Variants in SHOC2 observed in about 807,000 individuals in gnomAD.
The protein encoded by SHOC2 is leucine-rich repeat protein SHOC-2.
In SHOC2, 4 loss-of-function variants were observed where a neutral mutation model predicts 50.2. The observed-to-expected ratio is 0.08, with a 90% CI of 0.04 to 0.18. SHOC2 has a LOEUF of 0.18. Among genes scored for constraint, SHOC2 ranks in the 10% least tolerant of loss-of-function variants. The pLI, the probability that SHOC2 is intolerant of heterozygous loss-of-function variation, is 1.00. For missense variants in SHOC2, 388 were observed against 669.6 expected, an observed-to-expected ratio of 0.58 and a Z score of 4.64; for synonymous variants, 218 against 244.5, an observed-to-expected ratio of 0.89 and a Z score of 1.01.
chr10:110,990,555 G>A (rs560819529), intron 3 of SHOC2, among the ~76,000 whole-genome samples: 70 of 152,056 alleles, frequency 4.6e-4, no homozygotes, highest in Non-Finnish European at 7.6e-4. Context: ...ATCTAGCTCA[G>A]GGATTGTAAA....
intron 2 of SHOC2, among the ~76,000 whole-genome samples, chr10:110,977,850 T>G (rs1590814062): frequency 6.6e-6 from 1 of 152,224 alleles, no homozygotes; most frequent in Non-Finnish European, 1.5e-5. Context: ...CACAACCTTG[T>G]GTGACTGCTG....
chr10:110,968,758 G>A (rs991821660), intron 2 of SHOC2, among the ~76,000 whole-genome samples: 1 of 151,874 alleles, frequency 6.6e-6, no homozygotes, highest in Non-Finnish European at 1.5e-5. Context: ...CTATGATTGC[G>A]CCACCGGACT....
chr10:110,986,989 G>T (rs1848090546), intron 3 of SHOC2, among the ~76,000 whole-genome samples: 1 of 152,150 alleles, frequency 6.6e-6, no homozygotes, highest in African/African-American at 2.4e-5. Context: ...TTTATTTCCA[G>T]TTCACCCTTA....
At chr10:110,993,859 A>C (rs1307364082) in intron 3 of SHOC2, among the ~76,000 whole-genome samples, 1 of 152,194 alleles carries the variant, frequency 6.6e-6, no homozygotes, top group Non-Finnish European at 1.5e-5. Flanking sequence ...TTTAGTTTTC[A>C]GTGAGAATAA....
chr10:110,936,469 G>A (rs552844152), intron 1 of SHOC2, among the ~76,000 whole-genome samples: 3 of 151,682 alleles, frequency 2.0e-5, no homozygotes, highest in East Asian at 1.9e-4. Flanking sequence ...TGTTTTTTGC[G>A]TAGATTCTCA....
intron 2 of SHOC2, among the ~76,000 whole-genome samples, chr10:110,980,606 CTT>C (rs1847958176): frequency 6.6e-6 from 1 of 152,140 alleles, no homozygotes. Context: ...AGAAAACAGA[CTT>C]TTTAGAACAG....
At chr10:110,979,135 A>G (rs903312332) in intron 2 of SHOC2, among the ~76,000 whole-genome samples, 1 of 152,230 alleles carries the variant, frequency 6.6e-6, no homozygotes, top group Middle Eastern at 3.2e-3. Context: ...CTCATCTGGG[A>G]AAGGATACAC....
intron 2 of SHOC2, among the ~76,000 whole-genome samples, chr10:110,975,451 T>C (rs562088332): frequency 2.0e-5 from 3 of 152,340 alleles, no homozygotes; most frequent in Non-Finnish European, 4.4e-5. Context: ...CTATGTTACA[T>C]TTTTAATAGT....
chr10:110,922,364 G>T (rs936125352), intron 1 of SHOC2, among the ~76,000 whole-genome samples: 3 of 151,896 alleles, frequency 2.0e-5, no homozygotes, highest in Non-Finnish European at 4.4e-5. Context: ...TTATACAGGT[G>T]GATAAATTAT....
chr10:110,933,975 T>A (rs937218238), intron 1 of SHOC2, among the ~76,000 whole-genome samples: 2 of 152,176 alleles, frequency 1.3e-5, no homozygotes, highest in Non-Finnish European at 2.9e-5. Flanking sequence ...AGCTATTAGC[T>A]GTATTTTGTT....
intron 3 of SHOC2, among the ~76,000 whole-genome samples, chr10:110,991,219 A>C (rs1848181116): frequency 1.3e-5 from 2 of 152,220 alleles, no homozygotes; most frequent in African/African-American, 4.8e-5. Context: ...CCTGGTAAAC[A>C]GAGAAAGCAT....
At chr10:110,932,410 G>A (rs975833352) in intron 1 of SHOC2, among the ~76,000 whole-genome samples, 2 of 152,210 alleles carry the variant, frequency 1.3e-5, no homozygotes, top group African/African-American at 4.8e-5. Context: ...GGATGGGAAA[G>A]TGGATATGGT....
rs372274938 is a variant in SHOC2 at position 110,970,505 on chromosome 10, G to A, written c.703+5444G>A. On this transcript the variant is annotated intron_variant, in intron 2 of 8. Coordinates refer to ENST00000369452, the MANE Select transcript of SHOC2 (RefSeq NM_007373.4). ...TGTTGTAATAAATAAGAGAGTGAAG[G>A]TATCTCTTTGATATGCTGATTTCCT... is the stretch of plus-strand genomic sequence containing the variant. Among the ~76,000 whole-genome samples the A allele has an allele frequency of 3.2e-3, 486 of 152,214 alleles. 26 individuals carry two copies. The South Asian group carries it at 0.093, about 29-fold the overall frequency.
chr10:111,002,470 A>T (rs1464641895), intron 4 of SHOC2, among the ~76,000 whole-genome samples: 1 of 152,220 alleles, frequency 6.6e-6, no homozygotes, highest in Non-Finnish European at 1.5e-5. Context: ...GACTTATTTT[A>T]ATGTAGGTGT....
intron 1 of SHOC2, among the ~76,000 whole-genome samples, chr10:110,931,316 T>A (rs1320806023): frequency 6.6e-6 from 1 of 152,206 alleles, no homozygotes; most frequent in Non-Finnish European, 1.5e-5. Flanking sequence ...TCACTTGTGC[T>A]GCTTAAAGGT....
At chr10:110,987,068 C>T (rs1233233669) in intron 3 of SHOC2, among the ~76,000 whole-genome samples, 1 of 152,134 alleles carries the variant, frequency 6.6e-6, no homozygotes, top group Non-Finnish European at 1.5e-5. Flanking sequence ...TTGGCAGGCC[C>T]TAGATTTTGA....
At position 111,005,310 on chromosome 10, in the gene SHOC2, A is replaced by G. The variant is rs557267817; in HGVS notation, c.1161+516A>G. Among the ~76,000 whole-genome samples, 16 of 152,248 alleles carry G rather than the reference A, an allele frequency of 1.1e-4. No individual in the cohort carries two copies. The East Asian group carries it at 2.9e-3, about 28-fold the overall frequency. The stretch of plus-strand genomic sequence containing the variant: ...AAAAAGGAAATATGAATGTCTATAA[A>G]AGTATAGTTGTAGGGATATGTATTG... On this transcript the variant is annotated intron_variant, in intron 5 of 8. Coordinates refer to ENST00000369452, the MANE Select transcript of SHOC2 (RefSeq NM_007373.4).
At chr10:111,008,465 T>G (rs1465705343) in intron 6 of SHOC2, among the ~76,000 whole-genome samples, 1 of 152,012 alleles carries the variant, frequency 6.6e-6, no homozygotes, top group Non-Finnish European at 1.5e-5. Context: ...TGTACTTAAC[T>G]TGCCCAAGCT....
chr10:111,010,409 A>G (rs1457148771), intron 8 of SHOC2, among the ~76,000 whole-genome samples: 5 of 152,316 alleles, frequency 3.3e-5, no homozygotes, highest in Middle Eastern at 3.4e-3. Flanking sequence ...TTTCCCATCT[A>G]TAGTGCACTG....
Sources: allele counts gnomAD v4.1 joint callset (sites outside exome capture counted in the v4.1 genomes callset), GRCh38; gene constraint gnomAD v4.1.1; transcripts MANE v1.5; gene names NCBI Gene and HGNC (gene_info 2026-07-23, HGNC 2026-07-21).